TUBGCP5: variants seen among roughly 807,000 people sequenced by gnomAD.
The protein encoded by TUBGCP5 is tubulin gamma complex component 5.
Under a neutral mutation model 134.7 loss-of-function variants are expected in TUBGCP5, and 98 were observed. The ratio of observed to expected loss-of-function variants is 0.73; its 90% CI spans 0.62 to 0.86. The LOEUF is 0.86. Ranked by LOEUF, TUBGCP5 falls within the 40% of genes least tolerant of loss-of-function variation. The probability of loss-of-function intolerance (pLI) is 0.00; values close to 1 mark genes in which losing one functional copy is unlikely to be tolerated. For synonymous variants in TUBGCP5, 456 were observed against 431.4 expected, an observed-to-expected ratio of 1.06 and a Z score of -0.71; for missense variants, 1,150 against 1,244.8, an observed-to-expected ratio of 0.92 and a Z score of 1.15.
intron 16 of TUBGCP5, 145 bp downstream of exon 16, chr15:23,008,554 G>A (rs1411462653): frequency 1.4e-5 from 15 of 1,058,348 alleles, no homozygotes; most frequent in Non-Finnish European, 2.1e-5. Flanking sequence ...CACCGTGCCT[G>A]GCCTCCATTT....
At chr15:23,016,392 G>A (rs150466396) in intron 13 of TUBGCP5, among the ~76,000 whole-genome samples, 80 of 151,990 alleles carry the variant, frequency 5.3e-4, no homozygotes, top group African/African-American at 1.8e-3. Flanking sequence ...TGCTCAGGAG[G>A]CTGAAGCAGG....
At chr15:22,983,130 C>T (rs953791007), downstream of TUBGCP5, 1 of 152,114 alleles carries the variant, frequency 6.6e-6, no homozygotes, top group Admixed American at 6.6e-5. Flanking sequence ...ACCTAAATGG[C>T]ACCTCCACAA....
chr15:23,038,282 A>G (rs1368534472), intron 1 of TUBGCP5, among the ~76,000 whole-genome samples: 4 of 145,100 alleles, frequency 2.8e-5, no homozygotes. Flanking sequence ...GGGTGAATGG[A>G]ACACCACTTT....
chr15:23,037,273 G>T, intron 1 of TUBGCP5, 121 bp from the exon 2 acceptor site: 1 of 936,054 alleles, frequency 1.1e-6, no homozygotes, highest in Non-Finnish European at 1.7e-6. Flanking sequence ...AGAATGGAGT[G>T]TACCTTGTCC....
At chr15:23,015,388 T>C (rs933697056) in intron 13 of TUBGCP5, among the ~76,000 whole-genome samples, 1 of 146,738 alleles carries the variant, frequency 6.8e-6, no homozygotes, top group Admixed American at 6.8e-5. Context: ...ACGCCTGCAA[T>C]CCCAATACTT....
chr15:23,000,546 A>C, intron 22 of TUBGCP5, 23 bp downstream of exon 22: 1 of 1,606,778 alleles, frequency 6.2e-7, no homozygotes, highest in Non-Finnish European at 8.5e-7. Context: ...AGAGGTAGAA[A>C]TATTTTAACA....
chr15:22,993,799 C>T (rs1460963680), intron 23 of TUBGCP5, among the ~76,000 whole-genome samples: 1 of 151,826 alleles, frequency 6.6e-6, no homozygotes, highest in Non-Finnish European at 1.5e-5. Context: ...CCTGCCTCGG[C>T]CTCCCAAAGT....
Position 22,999,876 on chromosome 15 carries a change from G to T in TUBGCP5, c.3029-10C>A, listed in dbSNP as rs2064268113. 6.2e-7 allele frequency: 1 copy of T among 1,613,346 alleles called. No individual in the cohort carries two copies. Among genetic ancestry groups the T allele is most frequent in the African/African-American group, 1.3e-5 (1 of 74,992 alleles). ...AACGCTAGAGATTCCACTGTGGGAA[G>T]AATAAAAATAAGGTTAAAACAATAG... is the stretch of plus-strand genomic sequence containing the variant. On this transcript the variant is annotated splice_polypyrimidine_tract_variant and intron_variant, in intron 22 of 22. Transcript: ENST00000615383.
chr15:23,035,093 C>T (rs1336035223), intron 3 of TUBGCP5, among the ~76,000 whole-genome samples: 1 of 151,880 alleles, frequency 6.6e-6, no homozygotes, highest in African/African-American at 2.4e-5. Flanking sequence ...TTTGGGAGGC[C>T]AAGGCAGGTG....
intron 5 of TUBGCP5, among the ~76,000 whole-genome samples, 174 bp from the exon 6 acceptor site, chr15:23,031,194 TA>T (rs2066288466): frequency 6.6e-6 from 1 of 152,190 alleles, no homozygotes; most frequent in Non-Finnish European, 1.5e-5. Context: ...GGAATGGAAA[TA>T]TGATTACTAC....
At position 23,008,828 on chromosome 15, in the gene TUBGCP5, TCTC is replaced by T; in HGVS notation, c.2195_2197del (p.Gly732del). The T allele has an allele frequency of 2.5e-6, 4 of 1,588,128 alleles. No homozygotes were observed. The highest frequency in any genetic ancestry group is 3.4e-6 in the Non-Finnish European group (4 of 1,173,122). ...TGACGTGTAGAAGTCATACATGGTA[TCTC>T]CTCCTTCCATTAAGAAAAAATTCCT... is the stretch of plus-strand genomic sequence containing the variant. On this transcript the variant is annotated inframe_deletion, in exon 16 of 23. Coordinates refer to ENST00000615383, the MANE Select transcript of TUBGCP5 (RefSeq NM_052903.6).
At chr15:22,992,864 C>CA (rs1310194260) in intron 23 of TUBGCP5, among the ~76,000 whole-genome samples, 1 of 151,852 alleles carries the variant, frequency 6.6e-6, no homozygotes, top group Non-Finnish European at 1.5e-5. Flanking sequence ...ATTTTCCAAA[C>CA]AAAGTATTCA....
At chr15:22,991,534 C>T (rs1567080160) in intron 23 of TUBGCP5, among the ~76,000 whole-genome samples, 1 of 152,110 alleles carries the variant, frequency 6.6e-6, no homozygotes, top group Non-Finnish European at 1.5e-5. Flanking sequence ...CTGGCGGAGG[C>T]TTGGGGAGAG....
chr15:23,021,434 G>A (rs1052573767), intron 11 of TUBGCP5, among the ~76,000 whole-genome samples: 4 of 151,982 alleles, frequency 2.6e-5, no homozygotes, highest in Admixed American at 6.6e-5. Context: ...CTCCTGCCTC[G>A]GCCTCCCAAA....
At chr15:22,992,603 G>T (rs2063882985) in intron 23 of TUBGCP5, among the ~76,000 whole-genome samples, 1 of 152,106 alleles carries the variant, frequency 6.6e-6, no homozygotes, top group South Asian at 2.1e-4. Flanking sequence ...CCTAACAGGT[G>T]GGCATGGCTC....
intron 16 of TUBGCP5, among the ~76,000 whole-genome samples, chr15:23,007,411 T>C (rs758082167): frequency 2.6e-5 from 4 of 152,132 alleles, no homozygotes; most frequent in Non-Finnish European, 5.9e-5. Context: ...TTTTTAGCTC[T>C]TAATGGCCTG....
At chr15:23,035,186 G>C (rs936368024) in intron 3 of TUBGCP5, among the ~76,000 whole-genome samples, 4 of 151,890 alleles carry the variant, frequency 2.6e-5, no homozygotes, top group African/African-American at 4.8e-5. Flanking sequence ...AAAATTAGCT[G>C]GGCATGGTGG....
downstream of TUBGCP5, among the ~76,000 whole-genome samples, chr15:22,997,792 A>G (rs1171041802): frequency 6.7e-6 from 1 of 150,138 alleles, no homozygotes; most frequent in Non-Finnish European, 1.5e-5. Flanking sequence ...TAATTTTTGT[A>G]TTTTTAGTAG....
intron 11 of TUBGCP5, among the ~76,000 whole-genome samples, chr15:23,021,571 T>C (rs2065697831): frequency 6.6e-6 from 1 of 152,208 alleles, no homozygotes; most frequent in South Asian, 2.1e-4. Flanking sequence ...ACTGAAACTC[T>C]GTACCCATTA....
Sources: allele counts gnomAD v4.1 joint callset (sites outside exome capture counted in the v4.1 genomes callset), GRCh38; gene constraint gnomAD v4.1.1; transcripts MANE v1.5; gene names NCBI Gene and HGNC (gene_info 2026-07-23, HGNC 2026-07-21).